Variants in TAF2 observed in about 807,000 individuals in gnomAD.
TAF2 encodes the protein transcription initiation factor TFIID subunit 2.
A neutral mutation model predicts 138.5 loss-of-function variants in TAF2; 61 were observed. The ratio of observed to expected loss-of-function variants is 0.44; its 90% CI spans 0.36 to 0.54. The LOEUF (loss-of-function observed/expected upper bound fraction) is 0.54, where lower values mean the gene tolerates loss of function less well. TAF2 is among the 20% of genes least tolerant of loss of function. The probability of loss-of-function intolerance (pLI) is 0.00; values close to 1 mark genes in which losing one functional copy is unlikely to be tolerated. For synonymous variants in TAF2, 475 were observed against 469.9 expected, an observed-to-expected ratio of 1.01 and a Z score of -0.14; for missense variants, 1,090 against 1,427.9, an observed-to-expected ratio of 0.76 and a Z score of 3.81.
chr8:119,831,285 C>T (rs1431156779), intron 2 of TAF2, among the ~76,000 whole-genome samples: 1 of 152,060 alleles, frequency 6.6e-6, no homozygotes, highest in Non-Finnish European at 1.5e-5. Flanking sequence ...CCAAGTCAGT[C>T]AAGAAGCAAA....
intron 2 of TAF2, among the ~76,000 whole-genome samples, chr8:119,828,960 T>C (rs1826266648): frequency 6.6e-6 from 1 of 152,228 alleles, no homozygotes; most frequent in Non-Finnish European, 1.5e-5. Context: ...GGGATGGCTG[T>C]GTTCAAGTAA....
chr8:119,801,737 C>G, intron 6 of TAF2, 57 bp downstream of exon 6: 1 of 1,550,048 alleles, frequency 6.5e-7, no homozygotes, highest in South Asian at 1.1e-5. Flanking sequence ...CAATATCTAT[C>G]TTTTTAAAAG....
At position 119,832,667 on chromosome 8, in the gene TAF2, C is replaced by T; in HGVS notation, c.-103G>A. The T allele has an allele frequency of 8.8e-7, 1 of 1,132,244 alleles. No individual in the cohort carries two copies. Among genetic ancestry groups the T allele is most frequent in the Non-Finnish European group, 1.3e-6 (1 of 796,620 alleles). 70.1% of individuals were successfully genotyped at this position (1,132,244 alleles called of 1,614,324 possible). On this transcript the variant is annotated 5_prime_UTR_variant, in exon 1 of 26. Transcript: ENST00000378164. ...CTCCACTCCCCTGCGGTCCCCAAGT[C>T]ACGTCTCGCAGCTGGCCGGTGCCCA...
chr8:119,762,686 T>C (rs1481054877), intron 18 of TAF2, 78 bp from the exon 19 acceptor site: 1 of 1,349,766 alleles, frequency 7.4e-7, no homozygotes, highest in Admixed American at 2.4e-5. Context: ...ATTTGTATAA[T>C]TACATTTTAG....
chr8:119,739,420 TC>T (rs1426569002), intron 25 of TAF2, among the ~76,000 whole-genome samples: 22 of 152,292 alleles, frequency 1.4e-4, no homozygotes, highest in African/African-American at 5.3e-4. Flanking sequence ...TTCTCCCTTC[TC>T]ATCCCAATGG....
At chr8:119,752,961 T>A (rs1222064511) in intron 22 of TAF2, among the ~76,000 whole-genome samples, 2 of 152,260 alleles carry the variant, frequency 1.3e-5, no homozygotes, top group South Asian at 4.1e-4. Flanking sequence ...GCAGGCAGGG[T>A]TCCAGCGGAT....
chr8:119,744,338 T>C lies in TAF2; in HGVS notation c.3164A>G (p.Gln1055Arg). 6.2e-6 allele frequency: 10 copies of C among 1,613,848 alleles called. No individual in the cohort carries two copies. The highest frequency in any genetic ancestry group is 8.5e-6 in the Non-Finnish European group (10 of 1,179,906). Reference sequence around the variant, plus strand: ...GTTTAAATGATGGGAAATGAAGGCCTGGCTATCATGAACAGTATCCATATC... The same window carrying C: ...GTTTAAATGATGGGAAATGAAGGCCCGGCTATCATGAACAGTATCCATATC... ...EIDMDTVHDS[Q>R]AFISHHLNML... The change falls in exon 24 of 26, where the codon CAG becomes CGG. Residue 1055 changes from glutamine to arginine, a missense_variant. Physicochemically the swap from Gln to Arg is conservative, Grantham distance 43. Coordinates refer to ENST00000378164, the MANE Select transcript of TAF2 (RefSeq NM_003184.4).
At chr8:119,739,177 T>G (rs886270566) in intron 25 of TAF2, among the ~76,000 whole-genome samples, 1 of 152,142 alleles carries the variant, frequency 6.6e-6, no homozygotes, top group African/African-American at 2.4e-5. Context: ...TTGTTCCCCT[T>G]GCCCGGCCTC....
At chr8:119,756,339 G>A (rs1820701482) in intron 21 of TAF2, among the ~76,000 whole-genome samples, 1 of 151,962 alleles carries the variant, frequency 6.6e-6, no homozygotes, top group Admixed American at 6.6e-5. Flanking sequence ...TCTGGGGTTT[G>A]GGTAAGAGAG....
intron 3 of TAF2, among the ~76,000 whole-genome samples, chr8:119,809,545 T>C (rs1366431092): frequency 6.6e-6 from 1 of 152,234 alleles, no homozygotes; most frequent in Non-Finnish European, 1.5e-5. Flanking sequence ...GTCTAGCTTT[T>C]GGCCTTCCTC....
chr8:119,760,467 T>C lies in TAF2; in HGVS notation c.2698+132A>G, dbSNP rs940887892. On this transcript the variant is annotated intron_variant, in intron 20 of 25. Coordinates refer to ENST00000378164, the MANE Select transcript of TAF2 (RefSeq NM_003184.4). ...TTCTACATTTATCAAAGATGATTTCTAAATCACTAAGTCAAGAATTTAAAA... is the reference window on the plus strand; with the variant it reads ...TTCTACATTTATCAAAGATGATTTCCAAATCACTAAGTCAAGAATTTAAAA... 8 of 1,006,846 alleles carry C rather than the reference T, an allele frequency of 7.9e-6. No individual in the cohort carries two copies. In the African/African-American group the frequency reaches 1.3e-4, roughly 16 times the overall value. 62.4% of individuals were successfully genotyped at this position (1,006,846 alleles called of 1,614,324 possible). A position where few individuals can be genotyped will look rare whatever the true frequency, so the allele number is the denominator to read the frequency against.
chr8:119,815,499 C>A (rs1417917887), intron 3 of TAF2, among the ~76,000 whole-genome samples: 1 of 151,798 alleles, frequency 6.6e-6, no homozygotes, highest in Non-Finnish European at 1.5e-5. Flanking sequence ...TGGTCTCGAT[C>A]CCCTGACCTC....
intron 9 of TAF2, among the ~76,000 whole-genome samples, chr8:119,794,552 C>A (rs1823684129): frequency 6.6e-6 from 1 of 152,210 alleles, no homozygotes; most frequent in Admixed American, 6.5e-5. Context: ...CTACTACTTA[C>A]TAGCTGTATA....
intron 20 of TAF2, 113 bp downstream of exon 20, chr8:119,760,486 T>G: frequency 8.3e-6 from 10 of 1,201,862 alleles, no homozygotes; most frequent in Non-Finnish European, 1.1e-5. Context: ...AAGTCAAGAA[T>G]TTAAAATTAA....
rs952279101 is a variant in TAF2 at position 119,816,383 on chromosome 8, T to C, written c.299+2963A>G. On this transcript the variant is annotated intron_variant, in intron 3 of 25. Transcript: ENST00000378164. ...GTAAGCACACTCTTTCAATCAAAAA[T>C]AGGGAGGGCATGGCACCTTAACTTT... Among the ~76,000 whole-genome samples, 23 of 151,986 alleles carry C rather than the reference T, an allele frequency of 1.5e-4. 1 individual carries two copies. The highest frequency in any genetic ancestry group is 4.6e-4 in the African/African-American group (19 of 41,390).
chr8:119,747,070 T>A, intron 22 of TAF2, 136 bp from the exon 23 acceptor site: 2 of 886,180 alleles, frequency 2.3e-6, no homozygotes, highest in South Asian at 1.5e-5. Context: ...ACAAAATGAA[T>A]ACTAGACATC....
At chr8:119,751,142 G>A (rs1039719816) in intron 22 of TAF2, among the ~76,000 whole-genome samples, 2 of 151,836 alleles carry the variant, frequency 1.3e-5, no homozygotes, top group Admixed American at 1.3e-4. Context: ...TGTCATTTTG[G>A]CCTGTAATTC....
Position 119,801,961 on chromosome 8 carries a change from C to G in TAF2, c.625G>C (p.Asp209His). 6.2e-7 allele frequency: 1 copy of G among 1,614,134 alleles called. No homozygotes were observed. Among genetic ancestry groups the G allele is most frequent in the East Asian group, 2.2e-5 (1 of 44,880 alleles). The change falls in exon 6 of 26, where the codon GAT becomes CAT. Residue 209 changes from aspartate to histidine, a missense_variant. By Grantham distance (81) the Asp-to-His change is moderately conservative. Coordinates refer to ENST00000378164, the MANE Select transcript of TAF2 (RefSeq NM_003184.4). Reference sequence around the variant, plus strand: ...TTAGAAACAGCAACCATTGCAGCATCTACTGTAAATTCTAATTTCCATGTA... The same window carrying G: ...TTAGAAACAGCAACCATTGCAGCATGTACTGTAAATTCTAATTTCCATGTA... ...LCTWKLEFTV[D>H]AAMVAVSNGD...
intron 8 of TAF2, 59 bp from the exon 9 acceptor site, chr8:119,795,690 CAA>C: frequency 7.1e-7 from 1 of 1,414,198 alleles, no homozygotes; most frequent in South Asian, 1.2e-5. Context: ...CAGATAATGT[CAA>C]AGAGGATAAC....
Sources: allele counts gnomAD v4.1 joint callset (sites outside exome capture counted in the v4.1 genomes callset), GRCh38; gene constraint gnomAD v4.1.1; transcripts MANE v1.5; gene names NCBI Gene and HGNC (gene_info 2026-07-23, HGNC 2026-07-21).